The following FRMD6 variants were observed in gnomAD, a reference collection of about 807,000 sequenced individuals.
FRMD6 encodes the protein FERM domain-containing protein 6.
FRMD6 carries 37 observed loss-of-function variants against 73.2 expected under a neutral mutation model. The observed-to-expected ratio is 0.51, with a 90% confidence interval of 0.39 to 0.66. FRMD6 has a LOEUF of 0.66. Ranked by LOEUF, FRMD6 falls within the 30% of genes least tolerant of loss-of-function variation. The pLI is 0.00. For synonymous variants in FRMD6, 273 were observed against 282.2 expected (o/e 0.97, Z 0.33); for missense variants, 714 against 780.5 (o/e 0.91, Z 1.02).
chr14:51,537,754 G>A (rs1342521878), intron 1 of FRMD6, among the ~76,000 whole-genome samples: 1 of 152,156 alleles, frequency 6.6e-6, no homozygotes, highest in South Asian at 2.1e-4. Context: ...CCCTAATAAC[G>A]TAGGATTTTG....
chr14:51,445,282 GGA>G, the FRMD6 span, among the ~76,000 whole-genome samples: 2 of 152,150 alleles, frequency 1.3e-5, no homozygotes, highest in East Asian at 3.9e-4. Flanking sequence ...CCAGCCTCCA[GGA>G]GAGTCGCCTG....
the FRMD6 span, among the ~76,000 whole-genome samples, chr14:51,476,637 A>G: frequency 6.6e-6 from 1 of 152,230 alleles, no homozygotes; most frequent in Non-Finnish European, 1.5e-5. Context: ...AGAATACTGC[A>G]AGATAAGGGA....
the FRMD6 span, among the ~76,000 whole-genome samples, chr14:51,463,632 T>A: frequency 6.6e-6 from 1 of 152,196 alleles, no homozygotes; most frequent in African/African-American, 2.4e-5. Context: ...AGGAACTGTC[T>A]TACTTAAAAC....
chr14:51,729,277 A>G lies in FRMD6; in HGVS notation c.*1248A>G, dbSNP rs564859714. Reference sequence around the variant, plus strand: ...AGTTCTCCAGATGGAGCTAATATGCAACAAAGTTGAAAACCACTGATCCTG... The same window carrying G: ...AGTTCTCCAGATGGAGCTAATATGCGACAAAGTTGAAAACCACTGATCCTG... On this transcript the variant is annotated 3_prime_UTR_variant, in exon 14 of 14. Coordinates refer to ENST00000344768, the MANE Select transcript of FRMD6 (RefSeq NM_001267046.2). 6.6e-6 allele frequency: 1 copy of G among 152,366 alleles called. No homozygotes were observed. Among genetic ancestry groups the G allele is most frequent in the Admixed American group, 6.5e-5 (1 of 15,302 alleles). The allele number at this position is 152,366 out of a possible 1,614,324, so 9.4% of individuals were successfully genotyped here. A position where few individuals can be genotyped will look rare whatever the true frequency, so the allele number is the denominator to read the frequency against.
chr14:51,433,408 G>A, the FRMD6 span, among the ~76,000 whole-genome samples: 1 of 152,058 alleles, frequency 6.6e-6, no homozygotes, highest in East Asian at 1.9e-4. Flanking sequence ...TGATTTTCCC[G>A]GACATACTTT....
intron 12 of FRMD6, chr14:51,724,306 T>TGG (rs1173302172): frequency 2.6e-5 from 4 of 152,250 alleles, no homozygotes; most frequent in Admixed American, 2.6e-4. Context: ...GGTTAAGTGT[T>TGG]TTGAGCATCA....
At chr14:51,690,830 C>A (rs1293193978) in intron 2 of FRMD6, among the ~76,000 whole-genome samples, 1 of 151,926 alleles carries the variant, frequency 6.6e-6, no homozygotes, top group Non-Finnish European at 1.5e-5. Context: ...GCTTAGATAA[C>A]CTGAACATTG....
chr14:51,419,142 G>C, the FRMD6 span, among the ~76,000 whole-genome samples: 1 of 152,182 alleles, frequency 6.6e-6, no homozygotes, highest in Non-Finnish European at 1.5e-5. Context: ...TCCTGTGTGA[G>C]GTGATGCCCC....
At chr14:51,687,495 G>T (rs1895246740) in intron 1 of FRMD6, among the ~76,000 whole-genome samples, 1 of 152,088 alleles carries the variant, frequency 6.6e-6, no homozygotes, top group Non-Finnish European at 1.5e-5. Flanking sequence ...TTTTAGAATT[G>T]TATCTCTAAA....
chr14:51,470,221 A>T, the FRMD6 span, among the ~76,000 whole-genome samples: 6 of 152,086 alleles, frequency 3.9e-5, no homozygotes, highest in South Asian at 2.1e-4. Context: ...AATCTTTTTT[A>T]AAAAATCAGC....
At chr14:51,421,904 T>A in the FRMD6 span, among the ~76,000 whole-genome samples, 1 of 152,150 alleles carries the variant, frequency 6.6e-6, no homozygotes, top group Non-Finnish European at 1.5e-5. Flanking sequence ...CCCCACACCA[T>A]CTGTGTAAAG....
At chr14:51,692,555 T>A (rs1458925950) in intron 2 of FRMD6, among the ~76,000 whole-genome samples, 3 of 152,088 alleles carry the variant, frequency 2.0e-5, no homozygotes, top group South Asian at 4.1e-4. Context: ...GGAAGGCTAA[T>A]CTGACAGTGA....
At chr14:51,709,558 T>A (rs1896824826) in intron 7 of FRMD6, among the ~76,000 whole-genome samples, 1 of 152,148 alleles carries the variant, frequency 6.6e-6, no homozygotes, top group South Asian at 2.1e-4. Flanking sequence ...AACTGATGTT[T>A]TTTCTATCTC....
chr14:51,578,161 G>A lies in FRMD6; in HGVS notation c.-147+7751G>A, dbSNP rs117923597. 9.4e-3 allele frequency among the ~76,000 whole-genome samples: 1,431 copies of A among 152,270 alleles called. 15 individuals carry two copies. Among genetic ancestry groups the A allele is most frequent in the Non-Finnish European group, 0.015 (1,013 of 68,030 alleles). ...CTCTGAATTTAAGAGACTGATAATAGCATCATTATCATTATGAATAACAGG... is the reference window on the plus strand; with the variant it reads ...CTCTGAATTTAAGAGACTGATAATAACATCATTATCATTATGAATAACAGG... On this transcript the variant is annotated intron_variant, in intron 2 of 14. Transcript: ENST00000356218.
At chr14:51,650,343 G>A (rs572034304), upstream of FRMD6, 3 of 150,776 alleles carry the variant, frequency 2.0e-5, no homozygotes, top group South Asian at 6.3e-4. Flanking sequence ...CTTTCAACCA[G>A]TAACAGCTGG....
At chr14:51,719,586 T>C (rs1180961840) in intron 10 of FRMD6, among the ~76,000 whole-genome samples, 1 of 152,248 alleles carries the variant, frequency 6.6e-6, no homozygotes, top group Non-Finnish European at 1.5e-5. Flanking sequence ...AGTAGTCTTC[T>C]AGAGCAGTGC....
chr14:51,673,335 T>C (rs546473279), intron 1 of FRMD6, among the ~76,000 whole-genome samples: 3 of 152,246 alleles, frequency 2.0e-5, no homozygotes, highest in African/African-American at 7.2e-5. Flanking sequence ...TGAAGATCTT[T>C]GTACCTCTAT....
intron 2 of FRMD6, chr14:51,643,694 G>A (rs1891917226): frequency 6.6e-6 from 1 of 152,266 alleles, no homozygotes; most frequent in Admixed American, 6.5e-5. Context: ...GTGGTGGACA[G>A]AGTAGTTTCC....
At chr14:51,479,632 G>A in the FRMD6 span, among the ~76,000 whole-genome samples, 1 of 152,226 alleles carries the variant, frequency 6.6e-6, no homozygotes, top group African/African-American at 2.4e-5. Flanking sequence ...GAAGTGCTCA[G>A]TAGAAGTTAG....
Sources: gnomAD v4.1 joint callset for allele counts (sites outside exome capture counted in the v4.1 genomes callset) on GRCh38, gnomAD v4.1.1 for gene constraint, MANE v1.5 for transcripts, NCBI Gene and HGNC (gene_info 2026-07-23, HGNC 2026-07-21) for gene names.